Variants in TAS2R1 observed in about 807,000 individuals in gnomAD.
The protein encoded by TAS2R1 is taste 2 receptor member 1.
For synonymous variants in TAS2R1, 141 were observed against 134.2 expected, an observed-to-expected ratio of 1.05 and a Z score of -0.35; for missense variants, 370 against 353.4, an observed-to-expected ratio of 1.05 and a Z score of -0.38.
the TAS2R1 span, among the ~76,000 whole-genome samples, chr5:9,830,605 G>GCA: frequency 0.065 from 9,761 of 149,744 alleles, 381 homozygotes; most frequent in Middle Eastern, 0.11. Context: ...ACGTGCGCGC[G>GCA]CACACACACA....
At chr5:9,765,279 A>T in the TAS2R1 span, among the ~76,000 whole-genome samples, 1 of 152,234 alleles carries the variant, frequency 6.6e-6, no homozygotes, top group African/African-American at 2.4e-5. Flanking sequence ...TTGAACTTTT[A>T]CTATCACTTA....
At chr5:9,829,404 C>A in the TAS2R1 span, among the ~76,000 whole-genome samples, 1 of 151,950 alleles carries the variant, frequency 6.6e-6, no homozygotes, top group Admixed American at 6.6e-5. Flanking sequence ...CCAGAGACAC[C>A]CCACGGTCAT....
chr5:9,896,528 C>T, the TAS2R1 span, among the ~76,000 whole-genome samples: 93 of 152,146 alleles, frequency 6.1e-4, no homozygotes, highest in African/African-American at 2.0e-3. Flanking sequence ...ACCGCCGACC[C>T]AAACCGCCGA....
chr5:9,872,350 A>T, the TAS2R1 span, among the ~76,000 whole-genome samples: 1 of 152,332 alleles, frequency 6.6e-6, no homozygotes, highest in Non-Finnish European at 1.5e-5. Flanking sequence ...AGTTCACACC[A>T]ACAAAGAGAG....
chr5:9,700,844 G>T (rs1339123054), intron 1 of TAS2R1, among the ~76,000 whole-genome samples: 2 of 152,130 alleles, frequency 1.3e-5, no homozygotes, highest in Non-Finnish European at 2.9e-5. Flanking sequence ...TGCCGGTCAT[G>T]TTAGATTTAA....
chr5:9,793,775 G>C, the TAS2R1 span, among the ~76,000 whole-genome samples: 4 of 152,068 alleles, frequency 2.6e-5, no homozygotes, highest in Non-Finnish European at 4.4e-5. Flanking sequence ...AAGTGGATAG[G>C]GAGACAACAT....
the TAS2R1 span, among the ~76,000 whole-genome samples, chr5:9,847,484 A>G: frequency 3.9e-5 from 6 of 152,204 alleles, no homozygotes; most frequent in Non-Finnish European, 8.8e-5. Flanking sequence ...GCAGAACCTG[A>G]GATAGGATTT....
the TAS2R1 span, among the ~76,000 whole-genome samples, chr5:9,744,097 G>A: frequency 6.6e-6 from 1 of 152,188 alleles, no homozygotes; most frequent in East Asian, 1.9e-4. Context: ...TCCCTGACTG[G>A]GGTGATCTCT....
the TAS2R1 span, among the ~76,000 whole-genome samples, chr5:9,724,296 T>A: frequency 6.6e-6 from 1 of 152,112 alleles, no homozygotes; most frequent in East Asian, 1.9e-4. Flanking sequence ...TTCAGACCCT[T>A]TAATCTTTAT....
the TAS2R1 span, among the ~76,000 whole-genome samples, chr5:9,889,143 G>A: frequency 5.6e-3 from 860 of 152,298 alleles, 6 homozygotes; most frequent in African/African-American, 0.019. Flanking sequence ...CAGCACCAGG[G>A]AGGCAGGCAG....
At chr5:9,761,256 C>G in the TAS2R1 span, among the ~76,000 whole-genome samples, 1 of 152,114 alleles carries the variant, frequency 6.6e-6, no homozygotes, top group Non-Finnish European at 1.5e-5. Context: ...AATTAATAAG[C>G]CTCTGCAAGG....
chr5:9,693,346 A>AT (rs1387781554), intron 1 of TAS2R1, among the ~76,000 whole-genome samples: 1 of 151,890 alleles, frequency 6.6e-6, no homozygotes, highest in Admixed American at 6.6e-5. Flanking sequence ...AAAATACAAA[A>AT]TTTTTAGTTC....
At chr5:9,631,202 G>A (rs1739866819), upstream of TAS2R1, among the ~76,000 whole-genome samples, 1 of 152,102 alleles carries the variant, frequency 6.6e-6, no homozygotes, top group African/African-American at 2.4e-5. Context: ...AAGACTAAAG[G>A]CAGAATGAGC....
At chr5:9,660,741 G>A (rs1373684550) in intron 1 of TAS2R1, among the ~76,000 whole-genome samples, 1 of 152,194 alleles carries the variant, frequency 6.6e-6, no homozygotes, top group Non-Finnish European at 1.5e-5. Flanking sequence ...TTGATTATCT[G>A]AGTGGATCCA....
At chr5:9,639,176 C>A (rs184201327) in intron 2 of TAS2R1, among the ~76,000 whole-genome samples, 171 of 152,304 alleles carry the variant, frequency 1.1e-3, no homozygotes, top group Admixed American at 2.9e-3. Flanking sequence ...CTGATGGGAA[C>A]TTCCTTCACC....
At chr5:9,882,988 A>G in the TAS2R1 span, among the ~76,000 whole-genome samples, 1 of 152,358 alleles carries the variant, frequency 6.6e-6, no homozygotes, top group Admixed American at 6.5e-5. Context: ...ACACCCATCA[A>G]TGATAGACTA....
chr5:9,837,088 G>T, the TAS2R1 span, among the ~76,000 whole-genome samples: 1 of 152,318 alleles, frequency 6.6e-6, no homozygotes, highest in African/African-American at 2.4e-5. Context: ...TGAGATGCCA[G>T]AACTTCCCTG....
At chr5:9,749,834 G>C in the TAS2R1 span, among the ~76,000 whole-genome samples, 1 of 152,166 alleles carries the variant, frequency 6.6e-6, no homozygotes, top group African/African-American at 2.4e-5. Context: ...TGGAGAACAG[G>C]TGTCCTCCAA....
the TAS2R1 span, among the ~76,000 whole-genome samples, chr5:9,753,075 G>A: frequency 1.3e-5 from 2 of 152,122 alleles, no homozygotes; most frequent in Non-Finnish European, 1.5e-5. Context: ...GTAATGGGAT[G>A]GCTGGGTCAA....
Sources: gnomAD v4.1 joint callset for allele counts (sites outside exome capture counted in the v4.1 genomes callset) on GRCh38, gnomAD v4.1.1 for gene constraint, MANE v1.5 for transcripts, NCBI Gene and HGNC (gene_info 2026-07-23, HGNC 2026-07-21) for gene names.